THOC1: variants seen among roughly 807,000 people sequenced by gnomAD.
THOC1 encodes THO complex 1.
THOC1 carries 29 observed loss-of-function variants against 97.3 expected under a neutral mutation model. The ratio of observed to expected loss-of-function variants is 0.30; its 90% CI spans 0.22 to 0.41. THOC1 has a LOEUF of 0.41. Among genes scored for constraint, THOC1 ranks in the 10% least tolerant of loss-of-function variants. THOC1 has a pLI of 1.00. For missense variants in THOC1, 529 were observed against 761.9 expected (o/e 0.69, Z 3.60); for synonymous variants, 255 against 257.0 (o/e 0.99, Z 0.07).
intron 11 of THOC1, among the ~76,000 whole-genome samples, chr18:244,028 A>G (rs921846921): frequency 1.3e-5 from 2 of 152,054 alleles, no homozygotes; most frequent in Non-Finnish European, 2.9e-5. Context: ...TTTGAGAGCA[A>G]CAAGTTGGTT....
At chr18:232,092 T>C (rs1911503493) in intron 11 of THOC1, among the ~76,000 whole-genome samples, 1 of 152,126 alleles carries the variant, frequency 6.6e-6, no homozygotes, top group Non-Finnish European at 1.5e-5. Flanking sequence ...ATAAAAATTA[T>C]TATTCTTATT....
At chr18:221,799 G>A (rs369925458) in intron 17 of THOC1, among the ~76,000 whole-genome samples, 21 of 151,938 alleles carry the variant, frequency 1.4e-4, no homozygotes, top group East Asian at 7.8e-4. Flanking sequence ...TAGTAGAGAC[G>A]GGGTTTCACC....
chr18:220,749 G>T (rs1162930979), intron 17 of THOC1, among the ~76,000 whole-genome samples: 1 of 152,090 alleles, frequency 6.6e-6, no homozygotes, highest in African/African-American at 2.4e-5. Flanking sequence ...TCACAGATTT[G>T]GCAGGAATCA....
chr18:216,783 A>G (rs2143134247), intron 18 of THOC1, 150 bp from the exon 19 acceptor site: 1 of 1,101,150 alleles, frequency 9.1e-7, no homozygotes, highest in Non-Finnish European at 1.2e-6. Flanking sequence ...AGAACTTTTC[A>G]GTATGTAGTC....
At chr18:241,073 A>C (rs1911882698) in intron 11 of THOC1, among the ~76,000 whole-genome samples, 1 of 152,172 alleles carries the variant, frequency 6.6e-6, no homozygotes, top group Non-Finnish European at 1.5e-5. Flanking sequence ...ATACAGATGA[A>C]GCTTCGCTTG....
At chr18:258,301 G>T (rs1179946637) in intron 7 of THOC1, among the ~76,000 whole-genome samples, 1 of 151,350 alleles carries the variant, frequency 6.6e-6, no homozygotes, top group Non-Finnish European at 1.5e-5. Context: ...TTGGAAGAAA[G>T]AAAGGAAAAA....
intron 11 of THOC1, among the ~76,000 whole-genome samples, chr18:236,112 T>C (rs1911673939): frequency 6.6e-6 from 1 of 152,164 alleles, no homozygotes. Flanking sequence ...TTTATGTAGC[T>C]TTCTTTTTGT....
rs1033845866 is a variant in THOC1, at chr18:254,893, G to T, written c.521-538C>A. ...TGCAGTGGCATGATCATGGCTCACT[G>T]CAAGTTCAGCTTCCCAAGCTCAGAT... On this transcript the variant is annotated intron_variant, in intron 7 of 20. Transcript: ENST00000261600. This position sits in a 1 kb window ranked among gnomAD's most constrained non-coding sequence, Gnocchi z 4.1. Among the ~76,000 whole-genome samples the T allele has an allele frequency of 1.3e-5, 2 of 151,288 alleles. No homozygotes were observed. The highest frequency in any genetic ancestry group is 4.9e-5 in the African/African-American group (2 of 41,088).
At position 263,677 on chromosome 18, in the gene THOC1, A is replaced by G. The variant is rs73364393; in HGVS notation, c.256+349T>C. On this transcript the variant is annotated intron_variant, in intron 4 of 20. Transcript: ENST00000261600. The stretch of plus-strand genomic sequence containing the variant: ...TTACACCATAGTAAGGCATGCATAC[A>G]TCTGTTTCTTCCATTAGCTCCACAT... 716 of 195,792 alleles carry G rather than the reference A, an allele frequency of 3.7e-3. 3 individuals are homozygous for G. Among genetic ancestry groups the G allele is most frequent in the African/African-American group, 0.016 (682 of 42,598 alleles). The allele number at this position is 195,792 out of a possible 1,614,324, so 12.1% of individuals were successfully genotyped here.
At chr18:217,945 T>C (rs1051831039) in intron 18 of THOC1, among the ~76,000 whole-genome samples, 2 of 152,154 alleles carry the variant, frequency 1.3e-5, no homozygotes, top group Non-Finnish European at 2.9e-5. Flanking sequence ...TTTTAGGCCC[T>C]GGGAAGGAGT....
intron 11 of THOC1, among the ~76,000 whole-genome samples, chr18:239,494 C>A (rs1395342700): frequency 1.3e-5 from 2 of 152,076 alleles, no homozygotes; most frequent in African/African-American, 4.8e-5. Context: ...TTAGTACAGA[C>A]AGAGTTTCGC....
intron 18 of THOC1, 100 bp from the exon 19 acceptor site, chr18:216,733 G>A (rs746057649): frequency 1.7e-5 from 23 of 1,374,356 alleles, no homozygotes; most frequent in Non-Finnish European, 2.1e-5. Context: ...AAGGTAAATA[G>A]CTCAAAGTGC....
At chr18:255,232 A>G (rs1388592752) in intron 7 of THOC1, among the ~76,000 whole-genome samples, 1 of 152,216 alleles carries the variant, frequency 6.6e-6, no homozygotes, top group Non-Finnish European at 1.5e-5. Flanking sequence ...CTCACTTTAA[A>G]TAAAAACCTA....
intron 11 of THOC1, among the ~76,000 whole-genome samples, chr18:231,495 C>A (rs1475720610): frequency 1.3e-5 from 2 of 152,116 alleles, no homozygotes; most frequent in East Asian, 3.8e-4. Context: ...TAAAATCTTA[C>A]CAACTGTCAT....
rs1912566693 is a variant in THOC1 at position 260,377 on chromosome 18, T to C, written c.257-73A>G. 1.2e-5 allele frequency: 11 copies of C among 951,512 alleles called. No homozygotes were observed. In the South Asian group the frequency reaches 1.8e-4, roughly 15 times the overall value. 58.9% of individuals were successfully genotyped at this position (951,512 alleles called of 1,614,324 possible). A position where few individuals can be genotyped will look rare whatever the true frequency, so the allele number is the denominator to read the frequency against. On this transcript the variant is annotated intron_variant, in intron 4 of 20. Coordinates refer to ENST00000261600, the MANE Select transcript of THOC1 (RefSeq NM_005131.3). Reference sequence around the variant, plus strand: ...TAGAATAGCCTATGAAAAATAATTCTGAAGAATATCTTAAAAGGTACACTT... The same window carrying C: ...TAGAATAGCCTATGAAAAATAATTCCGAAGAATATCTTAAAAGGTACACTT...
At chr18:224,298 G>T in intron 15 of THOC1, 119 bp from the exon 16 acceptor site, 1 of 811,044 alleles carries the variant, frequency 1.2e-6, no homozygotes, top group Non-Finnish European at 1.9e-6. Flanking sequence ...ATGAAAACTG[G>T]CTGGGCATGG....
At chr18:216,903 T>C (rs1705429175) in intron 18 of THOC1, among the ~76,000 whole-genome samples, 1 of 152,236 alleles carries the variant, frequency 6.6e-6, no homozygotes, top group African/African-American at 2.4e-5. Context: ...TTTCCGTTCA[T>C]TTTGTTTAAT....
intron 11 of THOC1, among the ~76,000 whole-genome samples, chr18:238,444 C>A (rs1014016856): frequency 6.6e-6 from 1 of 152,174 alleles, no homozygotes; most frequent in Non-Finnish European, 1.5e-5. Context: ...TGTCATTAGG[C>A]AATTTCCCCA....
At chr18:229,539 G>C (rs1165741997) in intron 11 of THOC1, among the ~76,000 whole-genome samples, 1 of 152,044 alleles carries the variant, frequency 6.6e-6, no homozygotes, top group Non-Finnish European at 1.5e-5. Context: ...AAAATTAGCG[G>C]GGCGTGGTGG....
Sources: gnomAD v4.1 joint callset for allele counts (sites outside exome capture counted in the v4.1 genomes callset) on GRCh38, gnomAD v4.1.1 for gene constraint, Gnocchi (gnomAD v3.1) non-coding constraint, MANE v1.5 for transcripts, NCBI Gene and HGNC (gene_info 2026-07-23, HGNC 2026-07-21) for gene names.